The following ADAMTS17 variants were observed in gnomAD, a reference collection of about 807,000 sequenced individuals.
ADAMTS17 encodes the protein A disintegrin and metalloproteinase with thrombospondin motifs 17.
ADAMTS17 carries 113 observed loss-of-function variants against 141.5 expected under a neutral mutation model. The ratio of observed to expected loss-of-function variants is 0.80; its 90% confidence interval spans 0.69 to 0.93. The LOEUF (loss-of-function observed/expected upper bound fraction) is 0.93. ADAMTS17 is among the 40% of genes least tolerant of loss of function. The probability of loss-of-function intolerance (pLI) is 0.00; values close to 1 mark genes in which losing one functional copy is unlikely to be tolerated. For missense variants in ADAMTS17, 1,659 were observed against 1,517.9 expected (o/e 1.09, Z -1.54); for synonymous variants, 768 against 630.6 (o/e 1.22, Z -3.27).
chr15:100,152,833 T>C lies in ADAMTS17; in HGVS notation c.1323-71A>G, dbSNP rs554723661. On this transcript the variant is annotated intron_variant, in intron 9 of 21. Transcript: ENST00000268070. ...GTTTTTTTGTTTTCTTTTTCTTTTT[T>C]TTTTTGAGTTTTCAGTCACTGAGAA... The C allele has an allele frequency of 2.0e-3, 3,071 of 1,571,584 alleles. 75 individuals are homozygous for C. The African/African-American group carries it at 0.036, about 19-fold the overall frequency.
At chr15:100,153,916 C>T (rs1232931366) in intron 9 of ADAMTS17, among the ~76,000 whole-genome samples, 1 of 152,190 alleles carries the variant, frequency 6.6e-6, no homozygotes, top group Non-Finnish European at 1.5e-5. Flanking sequence ...CGCGGTAGCT[C>T]ACACCTGTAA....
intron 18 of ADAMTS17, among the ~76,000 whole-genome samples, chr15:100,014,784 C>T (rs531321675): frequency 1.9e-4 from 29 of 152,220 alleles, no homozygotes; most frequent in African/African-American, 5.1e-4. Flanking sequence ...GCCTACCATA[C>T]GGTCTATCTT....
chr15:100,259,759 G>A (rs1415887459), intron 6 of ADAMTS17, among the ~76,000 whole-genome samples: 2 of 152,236 alleles, frequency 1.3e-5, no homozygotes, highest in Non-Finnish European at 2.9e-5. Flanking sequence ...GCATACTCAG[G>A]GCTGGCAATC....
intron 20 of ADAMTS17, among the ~76,000 whole-genome samples, chr15:99,988,512 C>T (rs934714659): frequency 3.3e-5 from 5 of 152,194 alleles, no homozygotes; most frequent in African/African-American, 4.8e-5. Flanking sequence ...TCAGGCATTC[C>T]TTCACAGCAA....
At chr15:100,158,419 A>C (rs561916783) in intron 8 of ADAMTS17, among the ~76,000 whole-genome samples, 30 of 152,244 alleles carry the variant, frequency 2.0e-4, no homozygotes, top group Middle Eastern at 3.4e-3. Flanking sequence ...TCTTTTTTTG[A>C]GGTTCATTTT....
intron 20 of ADAMTS17, among the ~76,000 whole-genome samples, chr15:99,982,794 G>A (rs1052054025): frequency 2.0e-5 from 3 of 152,136 alleles, no homozygotes; most frequent in Admixed American, 6.5e-5. Flanking sequence ...GCTCCTTGCC[G>A]GGAAACCTGA....
At chr15:100,160,201 C>G (rs976699535) in intron 8 of ADAMTS17, among the ~76,000 whole-genome samples, 1 of 152,214 alleles carries the variant, frequency 6.6e-6, no homozygotes, top group African/African-American at 2.4e-5. Context: ...TCTCTAAAAC[C>G]TCTTTCCCTA....
At chr15:100,199,144 T>C (rs577323487) in intron 8 of ADAMTS17, among the ~76,000 whole-genome samples, 174 bp downstream of exon 8, 1 of 152,334 alleles carries the variant, frequency 6.6e-6, no homozygotes, top group African/African-American at 2.4e-5. Flanking sequence ...ATCGGTGCAG[T>C]CATCTCGTGG....
chr15:100,138,381 A>G (rs755875813), intron 10 of ADAMTS17, among the ~76,000 whole-genome samples: 1 of 152,284 alleles, frequency 6.6e-6, no homozygotes, highest in Non-Finnish European at 1.5e-5. Flanking sequence ...TACAGAATTT[A>G]TAGTAACTAT....
intron 7 of ADAMTS17, among the ~76,000 whole-genome samples, chr15:100,245,965 C>A (rs2042974492): frequency 6.6e-6 from 1 of 151,902 alleles, no homozygotes. Context: ...TTTATTCACC[C>A]CAGTCACTAT....
chr15:100,171,445 AG>A (rs963717067), intron 8 of ADAMTS17, among the ~76,000 whole-genome samples: 1 of 152,126 alleles, frequency 6.6e-6, no homozygotes, highest in African/African-American at 2.4e-5. Context: ...GTCACAGGTT[AG>A]GGGGGCCTGA....
intron 10 of ADAMTS17, among the ~76,000 whole-genome samples, chr15:100,150,971 T>C (rs1455477444): frequency 6.6e-6 from 1 of 152,272 alleles, no homozygotes; most frequent in Non-Finnish European, 1.5e-5. Context: ...GCAGACAGAA[T>C]GCCTCTTGGC....
In ADAMTS17 at chr15:100,001,994, C is replaced by CAAAAAAAA. The variant is rs71151931; in HGVS notation, c.2592-4413_2592-4406dup. 1.4e-3 allele frequency among the ~76,000 whole-genome samples: 80 copies of CAAAAAAAA among 58,324 alleles called. 1 individual carries two copies. The highest frequency in any genetic ancestry group is 2.1e-3 in the Non-Finnish European group (66 of 31,868). 38.3% of individuals were successfully genotyped at this position (58,324 alleles called of 152,430 possible). On this transcript the variant is annotated intron_variant, in intron 18 of 21. Coordinates refer to ENST00000268070, the MANE Select transcript of ADAMTS17 (RefSeq NM_139057.4). ...TCAGTCTCAAAAAAAAGGCCAAACC[C>CAAAAAAAA]AAAAAAAAAAAAAAAAAAAAAAGAA...
chr15:100,310,110 C>G (rs184667378), intron 3 of ADAMTS17, among the ~76,000 whole-genome samples: 27 of 152,332 alleles, frequency 1.8e-4, no homozygotes, highest in Admixed American at 1.6e-3. Context: ...GCGAGCCAAG[C>G]AGGCCCGTGA....
chr15:99,985,004 G>A (rs1390349457), intron 20 of ADAMTS17, among the ~76,000 whole-genome samples: 5 of 152,354 alleles, frequency 3.3e-5, no homozygotes, highest in Admixed American at 6.5e-5. Context: ...CCTGCGGCCC[G>A]CCTCACTTCC....
chr15:100,268,142 C>T (rs1189864359), intron 4 of ADAMTS17, among the ~76,000 whole-genome samples: 1 of 149,528 alleles, frequency 6.7e-6, no homozygotes, highest in South Asian at 2.1e-4. Flanking sequence ...TTCTTTTTTA[C>T]AGCTGTGTAG....
intron 8 of ADAMTS17, among the ~76,000 whole-genome samples, chr15:100,160,950 TTTAAG>T (rs1405760857): frequency 2.0e-5 from 3 of 152,158 alleles, no homozygotes; most frequent in Non-Finnish European, 2.9e-5. Context: ...CTCATATTAG[TTTAAG>T]TTTATGTCCC....
At chr15:100,007,409 G>A (rs551170562) in intron 18 of ADAMTS17, among the ~76,000 whole-genome samples, 2 of 144,748 alleles carry the variant, frequency 1.4e-5, no homozygotes, top group East Asian at 4.2e-4. Context: ...ACATGCCTTG[G>A]TAGAAGACTT....
chr15:100,272,418 T>A (rs1398311729), intron 4 of ADAMTS17, among the ~76,000 whole-genome samples: 1 of 151,984 alleles, frequency 6.6e-6, no homozygotes, highest in Non-Finnish European at 1.5e-5. Context: ...CCTTATTTGG[T>A]TAATTCCTAA....
Sources: gnomAD v4.1 joint callset for allele counts (sites outside exome capture counted in the v4.1 genomes callset) on GRCh38, gnomAD v4.1.1 for gene constraint, MANE v1.5 for transcripts, NCBI Gene and HGNC (gene_info 2026-07-23, HGNC 2026-07-21) for gene names.